Variants in PHACTR4 observed in about 807,000 individuals in gnomAD.
The protein encoded by PHACTR4 is phosphatase and actin regulator 4.
In PHACTR4, 51 loss-of-function variants were observed where a neutral mutation model predicts 72.7. The observed-to-expected ratio is 0.70, with a 90% CI of 0.56 to 0.89. The LOEUF (loss-of-function observed/expected upper bound fraction) is 0.89. Among genes scored for constraint, PHACTR4 ranks in the 40% least tolerant of loss-of-function variants. The pLI is 0.00. For synonymous variants in PHACTR4, 255 were observed against 302.5 expected (o/e 0.84, Z 1.63); for missense variants, 731 against 861.8 (o/e 0.85, Z 1.90).
At chr1:28,456,976 A>G (rs574608668) in intron 2 of PHACTR4, among the ~76,000 whole-genome samples, 1 of 152,278 alleles carries the variant, frequency 6.6e-6, no homozygotes, top group Non-Finnish European at 1.5e-5. Flanking sequence ...TTTCATGTAA[A>G]GTGTTAAAGT....
intron 4 of PHACTR4, among the ~76,000 whole-genome samples, chr1:28,465,264 A>G (rs1003733554): frequency 6.6e-6 from 1 of 152,114 alleles, no homozygotes; most frequent in African/African-American, 2.4e-5. Context: ...GATCGAGACC[A>G]TCCTGGCTAA....
intron 1 of PHACTR4, among the ~76,000 whole-genome samples, chr1:28,386,439 G>A (rs932106508): frequency 6.6e-6 from 1 of 152,036 alleles, no homozygotes; most frequent in African/African-American, 2.4e-5. Flanking sequence ...GTCTTATCAG[G>A]TCCCTTTCAC....
intron 7 of PHACTR4, among the ~76,000 whole-genome samples, chr1:28,475,646 T>C (rs1360171213): frequency 6.6e-6 from 1 of 152,102 alleles, no homozygotes; most frequent in East Asian, 1.9e-4. Flanking sequence ...CTTAGTAAGA[T>C]TGTTAAAGTT....
At chr1:28,376,190 G>A (rs1651651497) in intron 1 of PHACTR4, among the ~76,000 whole-genome samples, 2 of 151,158 alleles carry the variant, frequency 1.3e-5, no homozygotes, top group South Asian at 4.2e-4. Context: ...TTTCACTGCT[G>A]TGGTCCCAGC....
chr1:28,427,564 G>A (rs1042871736), intron 2 of PHACTR4, among the ~76,000 whole-genome samples: 3 of 152,118 alleles, frequency 2.0e-5, no homozygotes, highest in African/African-American at 7.2e-5. Flanking sequence ...ATAGTATTAG[G>A]AAGAAGACAG....
intron 7 of PHACTR4, among the ~76,000 whole-genome samples, chr1:28,475,271 T>C (rs74581288): frequency 0.1 from 15,776 of 151,982 alleles, 1,889 homozygotes; most frequent in African/African-American, 0.3. Context: ...TTTTTACTCT[T>C]GTGATTTTTT....
chr1:28,446,626 A>G (rs1488252503), intron 2 of PHACTR4, among the ~76,000 whole-genome samples: 3 of 152,078 alleles, frequency 2.0e-5, no homozygotes, highest in Non-Finnish European at 4.4e-5. Flanking sequence ...TAAAACTACA[A>G]AAATTAGCCG....
At chr1:28,496,001 G>A (rs1441785990) in intron 13 of PHACTR4, among the ~76,000 whole-genome samples, 1 of 149,604 alleles carries the variant, frequency 6.7e-6, no homozygotes, top group African/African-American at 2.5e-5. Context: ...AATTGAAGAA[G>A]AGAGAAAATT....
At chr1:28,439,423 C>T (rs183186255) in intron 2 of PHACTR4, among the ~76,000 whole-genome samples, 73 of 152,058 alleles carry the variant, frequency 4.8e-4, no homozygotes, top group African/African-American at 1.6e-3. Context: ...GTATTTTCAC[C>T]TGAGAGCTTC....
At chr1:28,428,428 C>T (rs936880539) in intron 2 of PHACTR4, among the ~76,000 whole-genome samples, 5 of 152,136 alleles carry the variant, frequency 3.3e-5, no homozygotes, top group Non-Finnish European at 7.4e-5. Context: ...CTGGGATATC[C>T]TCAAGAGCTT....
chr1:28,386,832 A>G, intron 1 of PHACTR4, among the ~76,000 whole-genome samples: 1 of 152,208 alleles, frequency 6.6e-6, no homozygotes, highest in East Asian at 1.9e-4. Context: ...TATTTAAAAA[A>G]ATAGTGAAGT....
At chr1:28,371,001 C>T (rs1315069490) in intron 1 of PHACTR4, among the ~76,000 whole-genome samples, 2 of 152,086 alleles carry the variant, frequency 1.3e-5, no homozygotes, top group African/African-American at 2.4e-5. Context: ...TACCGGAAAC[C>T]GCGGAACTGC....
At chr1:28,467,410 T>G (rs1659262180) in intron 6 of PHACTR4, among the ~76,000 whole-genome samples, 1 of 140,632 alleles carries the variant, frequency 7.1e-6, no homozygotes, top group Non-Finnish European at 1.6e-5. Context: ...TGTGTGTGTG[T>G]GTGTGTGTAA....
chr1:28,385,330 G>A (rs778368826), intron 1 of PHACTR4, among the ~76,000 whole-genome samples: 1 of 151,930 alleles, frequency 6.6e-6, no homozygotes, highest in African/African-American at 2.4e-5. Flanking sequence ...GATCACCAGA[G>A]GTCAGGAGTT....
intron 2 of PHACTR4, among the ~76,000 whole-genome samples, chr1:28,411,530 T>TA: frequency 1.3e-5 from 2 of 152,322 alleles, no homozygotes; most frequent in Middle Eastern, 3.4e-3. Context: ...TATACACACA[T>TA]ATACATATGA....
intron 2 of PHACTR4, among the ~76,000 whole-genome samples, chr1:28,417,492 G>C (rs1655176791): frequency 6.6e-6 from 1 of 152,142 alleles, no homozygotes; most frequent in African/African-American, 2.4e-5. Context: ...AACTGAGATG[G>C]CTGCTAAGTG....
chr1:28,421,350 G>A (rs1655495493), intron 2 of PHACTR4, among the ~76,000 whole-genome samples: 1 of 151,892 alleles, frequency 6.6e-6, no homozygotes, highest in South Asian at 2.1e-4. Context: ...TGTAGATGGT[G>A]CTGATGGCCT....
chr1:28,495,911 G>A lies in PHACTR4; in HGVS notation c.2094-623G>A, dbSNP rs1295401946. ...GGATTGATTACAGGCATGAGCCACC[G>A]TGACTGGCCAAGGAAAGTTGTTTTT... On this transcript the variant is annotated intron_variant, in intron 13 of 13. Transcript: ENST00000373839. Among the ~76,000 whole-genome samples the A allele has an allele frequency of 6.6e-5, 10 of 152,022 alleles. No individual in the cohort carries two copies. In the South Asian group the frequency reaches 1.0e-3, roughly 16 times the overall value.
intron 2 of PHACTR4, among the ~76,000 whole-genome samples, chr1:28,449,441 T>C (rs1657769951): frequency 6.6e-6 from 1 of 152,200 alleles, no homozygotes; most frequent in Non-Finnish European, 1.5e-5. Context: ...TTTTATCTCA[T>C]ATCTCCATCA....
Sources: allele counts gnomAD v4.1 joint callset (sites outside exome capture counted in the v4.1 genomes callset), GRCh38; gene constraint gnomAD v4.1.1; transcripts MANE v1.5; gene names NCBI Gene and HGNC (gene_info 2026-07-23, HGNC 2026-07-21).